CST5: variants seen among roughly 807,000 people sequenced by gnomAD.
CST5 encodes the protein cystatin D, also known as cystatin-D.
A neutral mutation model predicts 11.5 loss-of-function variants in CST5; 13 were observed. The observed-to-expected ratio is 1.13, with a 90% CI of 0.73 to 1.79. The LOEUF is 1.79. Among genes scored for constraint, CST5 ranks in the 40% most tolerant of loss-of-function variants. The probability of loss-of-function intolerance (pLI) is 0.00; values close to 1 mark genes in which losing one functional copy is unlikely to be tolerated. For synonymous variants in CST5, 81 were observed against 67.6 expected, an observed-to-expected ratio of 1.20 and a Z score of -0.97; for missense variants, 219 against 174.5, an observed-to-expected ratio of 1.25 and a Z score of -1.44.
Position 23,879,662 on chromosome 20 carries a change from C to T in CST5, c.15G>A (p.Met5Ile). 6.2e-7 allele frequency: 1 copy of T among 1,613,614 alleles called. No homozygotes were observed. The highest frequency in any genetic ancestry group is 2.2e-5 in the East Asian group (1 of 44,868). The change falls in exon 1 of 3, where the codon ATG (methionine) becomes ATA (isoleucine). Residue 5 changes from methionine to isoleucine, a missense_variant. Met to Ile is a conservative substitution (Grantham distance 10). Coordinates refer to ENST00000304710, the MANE Select transcript of CST5 (RefSeq NM_001900.5). MMWP[M>I]HTPLLLLTAL... Reference sequence around the variant, plus strand: ...CAGTCAGCAGCAGCAGTGGGGTGTGCATGGGCCACATCATGTTCTACTGGG... The same window carrying T: ...CAGTCAGCAGCAGCAGTGGGGTGTGTATGGGCCACATCATGTTCTACTGGG...
rs780632285 is a variant in CST5 at position 23,877,626 on chromosome 20, C to T, written c.232-8G>A. On this transcript the variant is annotated splice_polypyrimidine_tract_variant and splice_region_variant and intron_variant, in intron 1 of 2. Coordinates refer to ENST00000304710, the MANE Select transcript of CST5 (RefSeq NM_001900.5). Reference sequence around the variant, plus strand: ...GTTCACCCCACCCACGATCTACACGCGTGGAAGAGCAGGAAGCAGGGGCAG... The same window carrying T: ...GTTCACCCCACCCACGATCTACACGTGTGGAAGAGCAGGAAGCAGGGGCAG... The T allele has an allele frequency of 4.4e-5, 71 of 1,607,800 alleles. No homozygotes were observed. The East Asian group carries it at 5.8e-4, about 13-fold the overall frequency.
chr20:23,876,732 T>C (rs566004782), intron 2 of CST5, among the ~76,000 whole-genome samples: 16 of 152,280 alleles, frequency 1.1e-4, no homozygotes, highest in African/African-American at 3.9e-4. Context: ...GGCTCTGCCT[T>C]GAGCAGAGAC....
At chr20:23,877,901 C>A (rs1241562190) in intron 1 of CST5, among the ~76,000 whole-genome samples, 1 of 152,234 alleles carries the variant, frequency 6.6e-6, no homozygotes, top group East Asian at 1.9e-4. Flanking sequence ...CCTAAAACCC[C>A]CTTCACTGGA....
chr20:23,876,382 C>G, intron 2 of CST5, 111 bp from the exon 3 acceptor site: 1 of 794,918 alleles, frequency 1.3e-6, no homozygotes, highest in Admixed American at 2.1e-5. Context: ...TGAGACACTG[C>G]CCCCTGACCC....
chr20:23,879,361 A>G (rs1986032718), intron 1 of CST5, 85 bp downstream of exon 1: 1 of 965,940 alleles, frequency 1.0e-6, no homozygotes, highest in Admixed American at 1.7e-5. Flanking sequence ...GGTTTAGATA[A>G]TGTTGATTTG....
chr20:23,877,710 C>T (rs962819264), intron 1 of CST5, 92 bp from the exon 2 acceptor site: 6 of 1,055,324 alleles, frequency 5.7e-6, no homozygotes, highest in Admixed American at 2.0e-5. Flanking sequence ...ACTGGGCTTG[C>T]CTGGGGCTTC....
intron 1 of CST5, 67 bp from the exon 2 acceptor site, chr20:23,877,685 C>T: frequency 7.6e-7 from 1 of 1,318,018 alleles, no homozygotes; most frequent in East Asian, 2.3e-5. Flanking sequence ...GCAGGCACTT[C>T]ACTGTGACTG....
At position 23,876,261 on chromosome 20, in the gene CST5, C is replaced by T. The variant is rs202039216; in HGVS notation, c.356G>A (p.Cys119Tyr). ...GGGAACTTCATTGATCTGGAAAGAG[C>T]AGAACTCTTCCTGTGAAAAGAAAGA... is the stretch of plus-strand genomic sequence containing the variant. ...DQPKLKEEEF[C>Y]SFQINEVPWE... The change falls in exon 3 of 3, where the codon TGC (cysteine) becomes TAC (tyrosine). Residue 119 changes from cysteine (C) to tyrosine (Y), a missense_variant. Physicochemically the swap from Cys to Tyr is radical, Grantham distance 194. Coordinates refer to ENST00000304710, the MANE Select transcript of CST5 (RefSeq NM_001900.5). 1.2e-6 allele frequency: 2 copies of T among 1,612,268 alleles called. No homozygotes were observed. Among genetic ancestry groups the T allele is most frequent in the Non-Finnish European group, 1.7e-6 (2 of 1,178,496 alleles).
At chr20:23,878,914 A>G (rs1470568246) in intron 1 of CST5, among the ~76,000 whole-genome samples, 1 of 152,208 alleles carries the variant, frequency 6.6e-6, no homozygotes, top group Non-Finnish European at 1.5e-5. Flanking sequence ...TGGCAGAGGC[A>G]GGGTCAGGCA....
Position 23,876,267 on chromosome 20 carries a change from T to A in CST5, c.350A>T (p.Glu117Val), listed in dbSNP as rs755682280. 1.9e-6 allele frequency: 3 copies of A among 1,611,416 alleles called. No homozygotes were observed. Among genetic ancestry groups the A allele is most frequent in the Non-Finnish European group, 2.5e-6 (3 of 1,177,672 alleles). Residue 117 changes from glutamate to valine, a missense_variant, in exon 3 of 3, where the codon GAG (glutamate) becomes GTG (valine). Coordinates refer to ENST00000304710, the MANE Select transcript of CST5 (RefSeq NM_001900.5). ...TTCATTGATCTGGAAAGAGCAGAAC[T>A]CTTCCTGTGAAAAGAAAGAGATGGA... ...FNDQPKLKEEEFCSFQINEVP... is the reference protein window; with the variant it reads ...FNDQPKLKEEVFCSFQINEVP...
In CST5 at chr20:23,879,512, G is replaced by C; in HGVS notation, c.165C>G (p.Tyr55Ter). 1 of 1,614,042 alleles carries C rather than the reference G, an allele frequency of 6.2e-7. No homozygotes were observed. Among genetic ancestry groups the C allele is most frequent in the Admixed American group, 1.7e-5 (1 of 60,008 alleles). ...ACTCATCCTTATTAATGACCTTGTTGTACTCGCTGATGGCAAAGTCCAGGG... is the reference window on the plus strand; with the variant it reads ...ACTCATCCTTATTAATGACCTTGTTCTACTCGCTGATGGCAAAGTCCAGGG... ...QCALDFAISE[Y>*]NKVINKDEYY... The change falls in exon 1 of 3, where the codon TAC (tyrosine) becomes TAG (stop). Residue 55 changes from tyrosine (Y) to a stop codon, truncating the protein, a stop_gained. Transcript: ENST00000304710. LOFTEE classifies it high-confidence loss of function.
chr20:23,878,721 C>T (rs933592997), intron 1 of CST5, among the ~76,000 whole-genome samples: 2 of 152,180 alleles, frequency 1.3e-5, no homozygotes, highest in Non-Finnish European at 2.9e-5. Flanking sequence ...GGTGGAGGAG[C>T]TCTAAAGGCT....
intron 1 of CST5, among the ~76,000 whole-genome samples, chr20:23,878,806 AG>A (rs1383066558): frequency 2.0e-5 from 3 of 152,232 alleles, no homozygotes; most frequent in Non-Finnish European, 2.9e-5. Context: ...TGGGCTCGGT[AG>A]CCCTGCTGAA....
chr20:23,877,431 A>T (rs1224896017), intron 2 of CST5, 74 bp downstream of exon 2: 9 of 1,140,534 alleles, frequency 7.9e-6, no homozygotes, highest in Non-Finnish European at 1.3e-6. Flanking sequence ...ATGCGTGCAC[A>T]CACACATACA....
chr20:23,876,175 C>T lies in CST5; in HGVS notation c.*13G>A, dbSNP rs745551143. 1.5e-5 allele frequency: 24 copies of T among 1,607,250 alleles called. No individual in the cohort carries two copies. The highest frequency in any genetic ancestry group is 1.3e-4 in the Admixed American group (8 of 59,962). On this transcript the variant is annotated 3_prime_UTR_variant, in exon 3 of 3. Coordinates refer to ENST00000304710, the MANE Select transcript of CST5 (RefSeq NM_001900.5). ...GTAGGAGGTGGTCAGTGTGACAGGCCTTGCACAGACCCCTAGACTTTCCGG... is the reference window on the plus strand; with the variant it reads ...GTAGGAGGTGGTCAGTGTGACAGGCTTTGCACAGACCCCTAGACTTTCCGG...
At chr20:23,876,427 C>T (rs944180880) in intron 2 of CST5, among the ~76,000 whole-genome samples, 156 bp from the exon 3 acceptor site, 1 of 152,170 alleles carries the variant, frequency 6.6e-6, no homozygotes, top group Non-Finnish European at 1.5e-5. Flanking sequence ...GGCACTGAGC[C>T]CAACTGGGCA....
intron 2 of CST5, 67 bp from the exon 3 acceptor site, chr20:23,876,338 G>A (rs1600456070): frequency 2.3e-6 from 3 of 1,291,438 alleles, no homozygotes; most frequent in Admixed American, 1.7e-5. Flanking sequence ...GCCCAGGAAT[G>A]GGACATCAGA....
At chr20:23,879,141 G>A (rs991649001) in intron 1 of CST5, among the ~76,000 whole-genome samples, 1 of 152,158 alleles carries the variant, frequency 6.6e-6, no homozygotes, top group African/African-American at 2.4e-5. Context: ...ATCCTGAGCA[G>A]CATCAAGCCC....
intron 2 of CST5, 57 bp from the exon 3 acceptor site, chr20:23,876,328 G>T: frequency 7.3e-7 from 1 of 1,378,226 alleles, no homozygotes; most frequent in Non-Finnish European, 1.0e-6. Context: ...AGCCAAAGAT[G>T]CCCAGGAATG....
Sources: gnomAD v4.1 joint callset for allele counts (sites outside exome capture counted in the v4.1 genomes callset) on GRCh38, gnomAD v4.1.1 for gene constraint, MANE v1.5 for transcripts, NCBI Gene and HGNC (gene_info 2026-07-23, HGNC 2026-07-21) for gene names.